Variants in NR5A1 observed in about 807,000 individuals in gnomAD.
NR5A1 encodes the protein nuclear receptor subfamily 5 group A member 1, also known as steroidogenic factor 1.
NR5A1 carries 6 observed loss-of-function variants against 42.7 expected under a neutral mutation model. That is an observed-to-expected ratio of 0.14 (90% CI 0.08 to 0.28). The LOEUF (loss-of-function observed/expected upper bound fraction) is 0.28. Among genes scored for constraint, NR5A1 ranks in the 10% least tolerant of loss-of-function variants. The pLI is 1.00. For synonymous variants in NR5A1, 274 were observed against 277.5 expected, an observed-to-expected ratio of 0.99 and a Z score of 0.12; for missense variants, 442 against 626.4, an observed-to-expected ratio of 0.71 and a Z score of 3.14.
chr9:124,483,214 G>A (rs1237117975), intron 6 of NR5A1, among the ~76,000 whole-genome samples: 4 of 152,156 alleles, frequency 2.6e-5, no homozygotes, highest in African/African-American at 9.7e-5. Flanking sequence ...CACCACCATC[G>A]TCACCAATAC....
chr9:124,500,703 T>A lies in NR5A1; in HGVS notation c.257A>T (p.Asp86Val), dbSNP rs751670386. 3.7e-6 allele frequency: 6 copies of A among 1,612,714 alleles called. No individual in the cohort carries two copies. Residue 86 changes from aspartate (D) to valine (V), a missense_variant, in exon 4 of 7, where the codon GAC (aspartate) becomes GTC (valine). Around this residue, in one of 3 missense-constraint regions of NR5A1, gnomAD observed 71 missense variants for 156.8 expected, o/e 0.45. Coordinates refer to ENST00000373588, the MANE Select transcript of NR5A1 (RefSeq NM_004959.5). This position sits in a 1 kb window ranked among gnomAD's most constrained non-coding sequence, Gnocchi z 6.9. ...VGMRLEAVRADRMRGGRNKFG... is the reference protein window; with the variant it reads ...VGMRLEAVRAVRMRGGRNKFG... The stretch of plus-strand genomic sequence containing the variant: ...CTTGTTCCGGCCACCCCTCATACGG[T>A]CAGCGCGCACGGCTGTGGGCAGGGG...
chr9:124,482,800 G>A lies in NR5A1; in HGVS notation c.1344C>T (p.Arg448=), dbSNP rs750275592. The change falls in exon 7 of 7, where the codon CGC becomes CGT. Residue 448 remains arginine, a synonymous_variant. Transcript: ENST00000373588. Reference sequence around the variant, plus strand: ...GCAGCATTTCGATGAGCAGGTTGTTGCGGGGCATCTCGTTGCCCAGGTGCT... The same window carrying A: ...GCAGCATTTCGATGAGCAGGTTGTTACGGGGCATCTCGTTGCCCAGGTGCT... ...YHKHLGNEMP[R]NNLLIEMLQA... The A allele has an allele frequency of 2.4e-5, 38 of 1,597,244 alleles. No homozygotes were observed. Among genetic ancestry groups the A allele is most frequent in the Non-Finnish European group, 3.2e-5 (37 of 1,173,642 alleles).
At position 124,500,681 on chromosome 9, in the gene NR5A1, G is replaced by A. The variant is rs1478508107; in HGVS notation, c.279C>T (p.Asn93=). The A allele has an allele frequency of 1.9e-6, 3 of 1,613,248 alleles. No homozygotes were observed. In the African/African-American group the frequency reaches 4.0e-5, roughly 21 times the overall value. The change falls in exon 4 of 7, where the codon AAC becomes AAT. Residue 93 remains asparagine (N), a synonymous_variant. Coordinates refer to ENST00000373588, the MANE Select transcript of NR5A1 (RefSeq NM_004959.5). This position sits in a 1 kb window ranked among gnomAD's most constrained non-coding sequence, Gnocchi z 6.9. ...VRADRMRGGR[N]KFGPMYKRDR... is the part of the protein sequence containing the mutation. ...CCCGCTTGTACATCGGCCCAAACTT[G>A]TTCCGGCCACCCCTCATACGGTCAG... is the stretch of plus-strand genomic sequence containing the variant.
At position 124,501,098 on chromosome 9, in the gene NR5A1, G is replaced by A; in HGVS notation, c.245-383C>T. On this transcript the variant is annotated intron_variant, in intron 3 of 6. Transcript: ENST00000373588. This position sits in a 1 kb window ranked among gnomAD's most constrained non-coding sequence, Gnocchi z 4.1. ...AAGCACTCCTGGATTCATGCAAACG[G>A]GCTCTACTGTCCTTGCCCCAGGTGC... is the stretch of plus-strand genomic sequence containing the variant. 2.0e-6 allele frequency: 1 copy of A among 507,096 alleles called. No individual in the cohort carries two copies. Among genetic ancestry groups the A allele is most frequent in the Non-Finnish European group, 3.9e-6 (1 of 255,286 alleles). 31.4% of individuals were successfully genotyped at this position (507,096 alleles called of 1,614,324 possible).
intron 5 of NR5A1, 28 bp from the exon 6 acceptor site, chr9:124,491,256 ACAGT>A (rs1832303365): frequency 1.3e-6 from 2 of 1,572,926 alleles, no homozygotes; most frequent in Non-Finnish European, 1.7e-6. Flanking sequence ...GGGGCGGGGG[ACAGT>A]CAGAGGACGT....
chr9:124,506,628 C>T (rs1832564710), intron 1 of NR5A1, among the ~76,000 whole-genome samples: 1 of 152,180 alleles, frequency 6.6e-6, no homozygotes, highest in Non-Finnish European at 1.5e-5. Flanking sequence ...GGCCCTTCTC[C>T]CTCTATCTCC....
Position 124,503,312 on chromosome 9 carries a change from G to C in NR5A1, c.84C>G (p.Leu28=), listed in dbSNP as rs139733398. 3.7e-5 allele frequency: 59 copies of C among 1,611,676 alleles called. No individual in the cohort carries two copies. In the African/African-American group the frequency reaches 6.5e-4, roughly 18 times the overall value. Residue 28 remains leucine, a synonymous_variant, in exon 2 of 7, where the codon CTC becomes CTG. Coordinates refer to ENST00000373588, the MANE Select transcript of NR5A1 (RefSeq NM_004959.5). This position sits in a 1 kb window ranked among gnomAD's most constrained non-coding sequence, Gnocchi z 9.6. ...CGCTCACCTTGCAGCTCTCACACGT[G>C]AGCAGTCCGTAGTGGTAGCCGGACA... ...DKVSGYHYGL[L]TCESCKGFFK... is the part of the protein sequence containing the mutation.
chr9:124,485,962 T>C lies in NR5A1; in HGVS notation c.1139-2957A>G, dbSNP rs550515766. 8.9e-5 allele frequency among the ~76,000 whole-genome samples: 13 copies of C among 145,882 alleles called. No homozygotes were observed. The South Asian group carries it at 2.5e-3, about 28-fold the overall frequency. On this transcript the variant is annotated intron_variant, in intron 6 of 6. Transcript: ENST00000373588. ...AAGGCCACACATCAGTAAAGGGTCC[T>C]GGAGGAAGCAGCTGGAGTGGGGAGG...
chr9:124,495,355 C>T (rs867712939), intron 4 of NR5A1, among the ~76,000 whole-genome samples: 2 of 152,220 alleles, frequency 1.3e-5, no homozygotes, highest in Non-Finnish European at 2.9e-5. Context: ...CCAGGCACGG[C>T]GCCCAGTGTG....
chr9:124,507,328 G>A lies in NR5A1; in HGVS notation c.-95C>T, dbSNP rs1304895364. The A allele has an allele frequency of 6.6e-6, 1 of 152,540 alleles. No homozygotes were observed. Among genetic ancestry groups the A allele is most frequent in the Non-Finnish European group, 1.5e-5 (1 of 68,210 alleles). The allele number at this position is 152,540 out of a possible 1,614,324, so 9.4% of individuals were successfully genotyped here. A position where few individuals can be genotyped will look rare whatever the true frequency, so the allele number is the denominator to read the frequency against. Reference sequence around the variant, plus strand: ...CCAGGGGGAGGCTCCGGCAGCCCAGGTGGGACGGTGGCGACTGTGGGTGCG... The same window carrying A: ...CCAGGGGGAGGCTCCGGCAGCCCAGATGGGACGGTGGCGACTGTGGGTGCG... On this transcript the variant is annotated 5_prime_UTR_variant, in exon 1 of 7. Coordinates refer to ENST00000373588, the MANE Select transcript of NR5A1 (RefSeq NM_004959.5).
rs574309764 is a variant in NR5A1, at chr9:124,482,656, C to A, written c.*102G>T. On this transcript the variant is annotated 3_prime_UTR_variant, in exon 7 of 7. Coordinates refer to ENST00000373588, the MANE Select transcript of NR5A1 (RefSeq NM_004959.5). ...GACGGGGCTGGGGCTCCTCGGTGGG[C>A]ATCAGAAAATGAACCATGCGGAGCC... 9 of 1,336,328 alleles carry A rather than the reference C, an allele frequency of 6.7e-6. No homozygotes were observed. In the East Asian group the frequency reaches 2.3e-4, roughly 34 times the overall value. The allele number at this position is 1,336,328 out of a possible 1,614,324, so 82.8% of individuals were successfully genotyped here.
chr9:124,499,331 C>T (rs772916655), intron 4 of NR5A1, among the ~76,000 whole-genome samples: 8 of 152,158 alleles, frequency 5.3e-5, no homozygotes, highest in Non-Finnish European at 1.0e-4. Context: ...GTACCTCGAC[C>T]CAGGGGGAAA....
At position 124,500,205 on chromosome 9, in the gene NR5A1, G is replaced by A. The variant is rs1363395254; in HGVS notation, c.755C>T (p.Thr252Ile). ...ARILGCLQEP[T>I]KSRPDQPAAF... ...CGCCGGCTGGTCGGGGCGGCTTTTGGTGGGCTCCTGCAGGCAGCCCAAGAT... is the reference window on the plus strand; with the variant it reads ...CGCCGGCTGGTCGGGGCGGCTTTTGATGGGCTCCTGCAGGCAGCCCAAGAT... The change falls in exon 4 of 7, where the codon ACC (threonine) becomes ATC (isoleucine). Residue 252 changes from threonine to isoleucine, a missense_variant. This residue lies in a region of NR5A1 where 208 missense variants were observed against 203.8 expected (regional missense o/e 1.02). Coordinates refer to ENST00000373588, the MANE Select transcript of NR5A1 (RefSeq NM_004959.5). This position sits in a 1 kb window ranked among gnomAD's most constrained non-coding sequence, Gnocchi z 6.9. 76 of 1,609,420 alleles carry A rather than the reference G, an allele frequency of 4.7e-5. No homozygotes were observed. The highest frequency in any genetic ancestry group is 6.4e-5 in the Non-Finnish European group (75 of 1,177,840).
At chr9:124,489,893 C>T (rs1832278092) in intron 6 of NR5A1, among the ~76,000 whole-genome samples, 1 of 152,190 alleles carries the variant, frequency 6.6e-6, no homozygotes, top group Non-Finnish European at 1.5e-5. Context: ...CCACTGCACC[C>T]AGCCACATGG....
rs1832143337 is a variant in NR5A1, at chr9:124,482,559, C to T, written c.*199G>A. ...CAAGTGCCAGTGGCCACTCCACCTC[C>T]GCCAGGCCCTGCCCAGCCTCACCCA... On this transcript the variant is annotated 3_prime_UTR_variant, in exon 7 of 7. Coordinates refer to ENST00000373588, the MANE Select transcript of NR5A1 (RefSeq NM_004959.5). 4.4e-6 allele frequency: 3 copies of T among 675,228 alleles called. No homozygotes were observed. The highest frequency in any genetic ancestry group is 2.9e-5 in the East Asian group (1 of 34,984). The allele number at this position is 675,228 out of a possible 1,614,324, so 41.8% of individuals were successfully genotyped here. A position where few individuals can be genotyped will look rare whatever the true frequency, so the allele number is the denominator to read the frequency against.
rs1019011318 is a variant in NR5A1 at position 124,500,954 on chromosome 9, T to G, written c.245-239A>C. The G allele has an allele frequency of 1.5e-5, 11 of 725,304 alleles. No homozygotes were observed. The African/African-American group carries it at 1.9e-4, about 13-fold the overall frequency. 44.9% of individuals were successfully genotyped at this position (725,304 alleles called of 1,614,324 possible). On this transcript the variant is annotated intron_variant, in intron 3 of 6. Coordinates refer to ENST00000373588, the MANE Select transcript of NR5A1 (RefSeq NM_004959.5). The surrounding 1 kb of genome is among the most constrained non-coding windows in gnomAD (Gnocchi z 6.9). ...TCCACTCCACCGAACTCACCTCCACTCCTCTGTTTGACACATCTCCTTCCT... is the reference window on the plus strand; with the variant it reads ...TCCACTCCACCGAACTCACCTCCACGCCTCTGTTTGACACATCTCCTTCCT...
intron 3 of NR5A1, 82 bp downstream of exon 3, chr9:124,502,997 T>G (rs1832490990): frequency 8.7e-6 from 13 of 1,497,120 alleles, no homozygotes; most frequent in Non-Finnish European, 8.9e-6. Flanking sequence ...AATGGTACTA[T>G]CCCCTCAGCC....
chr9:124,496,678 A>C lies in NR5A1; in HGVS notation c.870+3412T>G, dbSNP rs1175526061. ...ACTGCGCTCTGCCGGCAGAGTGGTC[A>C]GTGAGGTGTCATTTGTCAGCCCAGG... On this transcript the variant is annotated intron_variant, in intron 4 of 6. Coordinates refer to ENST00000373588, the MANE Select transcript of NR5A1 (RefSeq NM_004959.5). This position sits in a 1 kb window ranked among gnomAD's most constrained non-coding sequence, Gnocchi z 5.0. Among the ~76,000 whole-genome samples the C allele has an allele frequency of 6.6e-6, 1 of 152,218 alleles. No homozygotes were observed. The highest frequency in any genetic ancestry group is 1.9e-4 in the East Asian group (1 of 5,198).
chr9:124,504,851 G>A (rs1832528008), intron 1 of NR5A1, among the ~76,000 whole-genome samples: 2 of 146,002 alleles, frequency 1.4e-5, no homozygotes, highest in African/African-American at 4.9e-5. Flanking sequence ...CTGGCGGCGC[G>A]GGGGCCTCGG....
Sources: allele counts gnomAD v4.1 joint callset (sites outside exome capture counted in the v4.1 genomes callset), GRCh38; gene constraint gnomAD v4.1.1; regional missense constraint gnomAD v4.1.1; non-coding constraint Gnocchi (gnomAD v3.1); transcripts MANE v1.5; gene names NCBI Gene and HGNC (gene_info 2026-07-23, HGNC 2026-07-21).